The following IDE variants were observed in gnomAD, a reference collection of about 807,000 sequenced individuals.
IDE encodes insulin degrading enzyme, also known as insulin-degrading enzyme.
Under a neutral mutation model 133.2 loss-of-function variants are expected in IDE, and 58 were observed. The observed-to-expected ratio is 0.44, with a 90% CI of 0.35 to 0.54. The LOEUF (loss-of-function observed/expected upper bound fraction) is 0.54, where lower values mean the gene tolerates loss of function less well. Among genes scored for constraint, IDE ranks in the 20% least tolerant of loss-of-function variants. The probability of loss-of-function intolerance (pLI) is 0.00; values close to 1 mark genes in which losing one functional copy is unlikely to be tolerated. For missense variants in IDE, 981 were observed against 1,234.0 expected (o/e 0.79, Z 3.07); for synonymous variants, 396 against 421.3 (o/e 0.94, Z 0.73).
intron 19 of IDE, among the ~76,000 whole-genome samples, chr10:92,466,190 C>T (rs1301007253): frequency 6.8e-6 from 1 of 147,278 alleles, no homozygotes; most frequent in Non-Finnish European, 1.5e-5. Flanking sequence ...GTGAGTATAC[C>T]ACTGCACTCC....
chr10:92,454,945 T>C (rs1310916371), intron 24 of IDE, among the ~76,000 whole-genome samples: 7 of 152,054 alleles, frequency 4.6e-5, no homozygotes, highest in Non-Finnish European at 8.8e-5. Flanking sequence ...TCCTTCTAGA[T>C]GATTAAAATA....
chr10:92,472,469 T>C (rs1846017070), intron 17 of IDE, among the ~76,000 whole-genome samples: 1 of 152,214 alleles, frequency 6.6e-6, no homozygotes, highest in Admixed American at 6.5e-5. Context: ...AAAATGTACC[T>C]GTTCTAGTAA....
intron 4 of IDE, among the ~76,000 whole-genome samples, chr10:92,528,207 G>T (rs768559755): frequency 6.6e-6 from 1 of 152,158 alleles, no homozygotes; most frequent in Non-Finnish European, 1.5e-5. Context: ...CCAAACAAAA[G>T]TGATAGTGGG....
intron 9 of IDE, among the ~76,000 whole-genome samples, chr10:92,506,809 T>C (rs1411413760): frequency 6.6e-6 from 1 of 152,136 alleles, no homozygotes; most frequent in East Asian, 1.9e-4. Context: ...ATAGCCTAAG[T>C]TGTTGAAACT....
rs562895481 is a variant in IDE at position 92,529,721 on chromosome 10, A to T, written c.661+2027T>A. ...GAGACCCCACCTCTACAGGAAAAAA[A>T]AATGTTCCTTGTTTGTGACCAGAAG... On this transcript the variant is annotated intron_variant, in intron 4 of 24. Transcript: ENST00000265986. Among the ~76,000 whole-genome samples, 11 of 152,220 alleles carry T rather than the reference A, an allele frequency of 7.2e-5. No individual in the cohort carries two copies. The South Asian group carries it at 2.3e-3, about 32-fold the overall frequency.
intron 1 of IDE, chr10:92,541,211 C>A: frequency 6.3e-6 from 2 of 315,452 alleles, no homozygotes; most frequent in Non-Finnish European, 1.4e-5. Context: ...TCAAACAAAA[C>A]CTATTCCTGG....
intron 17 of IDE, among the ~76,000 whole-genome samples, chr10:92,470,783 G>C (rs543741845): frequency 1.3e-5 from 2 of 152,232 alleles, no homozygotes; most frequent in Middle Eastern, 3.4e-3. Context: ...TTTCATGTCT[G>C]TATTACCACA....
At chr10:92,468,664 T>C (rs1017965221) in intron 19 of IDE, among the ~76,000 whole-genome samples, 8 of 152,230 alleles carry the variant, frequency 5.3e-5, no homozygotes, top group Non-Finnish European at 1.0e-4. Context: ...TATCATTCTC[T>C]TCAAAATTAT....
intron 1 of IDE, among the ~76,000 whole-genome samples, chr10:92,550,674 AT>A (rs1187980001): frequency 6.3e-5 from 9 of 141,766 alleles, no homozygotes; most frequent in African/African-American, 1.5e-4. Flanking sequence ...AAAAAAAAAA[AT>A]CGTGGCCAAC....
At chr10:92,566,388 A>C (rs796919863) in intron 1 of IDE, among the ~76,000 whole-genome samples, 34 of 144,962 alleles carry the variant, frequency 2.3e-4, no homozygotes, top group African/African-American at 4.9e-4. Flanking sequence ...GTCAGACTCT[A>C]TCTCTCTCTC....
At chr10:92,519,639 T>C (rs1249609304) in intron 4 of IDE, among the ~76,000 whole-genome samples, 1 of 152,202 alleles carries the variant, frequency 6.6e-6, no homozygotes, top group Non-Finnish European at 1.5e-5. Flanking sequence ...AGGGATAATA[T>C]GGATATATGT....
chr10:92,568,193 C>A (rs1470433046), intron 1 of IDE, among the ~76,000 whole-genome samples: 1 of 152,104 alleles, frequency 6.6e-6, no homozygotes, highest in African/African-American at 2.4e-5. Flanking sequence ...GTTTATTACT[C>A]AAACCTGAAA....
intron 21 of IDE, among the ~76,000 whole-genome samples, chr10:92,461,802 C>A (rs546196065): frequency 2.0e-5 from 3 of 151,944 alleles, no homozygotes; most frequent in Non-Finnish European, 4.4e-5. Context: ...GTAGCTGGGA[C>A]TACAGGCGCC....
chr10:92,535,606 T>C (rs539574169), intron 2 of IDE, among the ~76,000 whole-genome samples: 30 of 152,332 alleles, frequency 2.0e-4, no homozygotes, highest in African/African-American at 6.7e-4. Context: ...ATCACCCTGG[T>C]AGTCTAAGGC....
At chr10:92,555,903 G>A (rs1336915671) in intron 1 of IDE, among the ~76,000 whole-genome samples, 2 of 152,222 alleles carry the variant, frequency 1.3e-5, no homozygotes, top group Non-Finnish European at 2.9e-5. Context: ...GCCGGGCGCG[G>A]TGGCTCACGC....
intron 1 of IDE, among the ~76,000 whole-genome samples, chr10:92,543,359 A>C (rs1842396416): frequency 6.6e-6 from 1 of 152,232 alleles, no homozygotes; most frequent in African/African-American, 2.4e-5. Context: ...GCCTCAACAT[A>C]TTAATGCTTA....
chr10:92,510,801 A>G (rs1376288659), intron 5 of IDE, among the ~76,000 whole-genome samples: 1 of 150,198 alleles, frequency 6.7e-6, no homozygotes, highest in Non-Finnish European at 1.5e-5. Flanking sequence ...GATATATAGC[A>G]CATACATATC....
intron 1 of IDE, among the ~76,000 whole-genome samples, chr10:92,561,454 C>T (rs1280008815): frequency 2.0e-5 from 3 of 148,902 alleles, no homozygotes; most frequent in African/African-American, 4.9e-5. Flanking sequence ...CTGCAAGGAT[C>T]AAATAAGATG....
intron 4 of IDE, among the ~76,000 whole-genome samples, chr10:92,531,047 GT>G (rs1182302498): frequency 6.6e-6 from 1 of 152,110 alleles, no homozygotes; most frequent in East Asian, 1.9e-4. Flanking sequence ...ATAGCAATCT[GT>G]TAACAATGAT....
Sources: gnomAD v4.1 joint callset for allele counts (sites outside exome capture counted in the v4.1 genomes callset) on GRCh38, gnomAD v4.1.1 for gene constraint, MANE v1.5 for transcripts, NCBI Gene and HGNC (gene_info 2026-07-23, HGNC 2026-07-21) for gene names.